Variants in MED12L observed in about 807,000 individuals in gnomAD.
MED12L encodes the protein mediator complex subunit 12L.
Under a neutral mutation model 281.3 loss-of-function variants are expected in MED12L, and 60 were observed. That is an observed-to-expected ratio of 0.21 (90% CI 0.17 to 0.26). The LOEUF (loss-of-function observed/expected upper bound fraction) is 0.26. Ranked by LOEUF, MED12L falls within the 10% of genes least tolerant of loss-of-function variation. The probability of loss-of-function intolerance (pLI) is 1.00; values close to 1 mark genes in which losing one functional copy is unlikely to be tolerated. For missense variants in MED12L, 2,146 were observed against 2,680.9 expected, an observed-to-expected ratio of 0.80 and a Z score of 4.41; for synonymous variants, 974 against 987.2, an observed-to-expected ratio of 0.99 and a Z score of 0.25.
chr3:151,333,609 T>C (rs1268228527), intron 16 of MED12L, among the ~76,000 whole-genome samples: 1 of 152,250 alleles, frequency 6.6e-6, no homozygotes, highest in African/African-American at 2.4e-5. Flanking sequence ...AACAATGCTA[T>C]AGAGCATGTA....
Position 151,407,685 on chromosome 3 carries a change from T to A in MED12L, c.5821-1558T>A, listed in dbSNP as rs536661603. Among the ~76,000 whole-genome samples, 7 of 152,322 alleles carry A rather than the reference T, an allele frequency of 4.6e-5. No homozygotes were observed. The South Asian group carries it at 1.4e-3, about 32-fold the overall frequency. ...CTAACCCAAGCAAATGGAGATACAA[T>A]TGTTTTTTTAACAGATTAATGAGTT... On this transcript the variant is annotated intron_variant, in intron 39 of 44. Coordinates refer to ENST00000687756, the MANE Select transcript of MED12L (RefSeq NM_001393769.1).
intron 16 of MED12L, chr3:151,337,803 C>T (rs1553784443): frequency 9.3e-6 from 15 of 1,611,834 alleles, no homozygotes; most frequent in Non-Finnish European, 5.9e-6. Flanking sequence ...GAAATATTTC[C>T]TTAGTTAATT....
intron 16 of MED12L, among the ~76,000 whole-genome samples, chr3:151,241,055 G>A (rs979546401): frequency 4.6e-5 from 7 of 152,170 alleles, no homozygotes; most frequent in African/African-American, 1.2e-4. Context: ...CTTTAAAAAC[G>A]GGGGACTATA....
At chr3:151,357,595 C>T (rs926503375) in intron 20 of MED12L, among the ~76,000 whole-genome samples, 1 of 152,118 alleles carries the variant, frequency 6.6e-6, no homozygotes, top group Non-Finnish European at 1.5e-5. Flanking sequence ...TTCCTCCTTG[C>T]CTTTCTTCCC....
rs752017968 is a variant in MED12L, at chr3:151,260,348, TTTG to T, written c.2250+66691_2250+66693del. Among the ~76,000 whole-genome samples the T allele has an allele frequency of 1.8e-4, 27 of 152,170 alleles. No individual in the cohort carries two copies. In the East Asian group the frequency reaches 3.5e-3, roughly 20 times the overall value. ...TACTAATATCTTTTAAAAGCCAGTT[TTTG>T]TTGTTGTTTGTTTTTTGAGACAGGG... On this transcript the variant is annotated intron_variant, in intron 16 of 44. Coordinates refer to ENST00000687756, the MANE Select transcript of MED12L (RefSeq NM_001393769.1).
At chr3:151,200,652 A>G (rs1725418268) in intron 16 of MED12L, among the ~76,000 whole-genome samples, 1 of 152,122 alleles carries the variant, frequency 6.6e-6, no homozygotes, top group Non-Finnish European at 1.5e-5. Flanking sequence ...GATGTACACA[A>G]AGCTTTCTAA....
chr3:151,341,948 G>A (rs1751901008), intron 16 of MED12L, among the ~76,000 whole-genome samples: 1 of 152,068 alleles, frequency 6.6e-6, no homozygotes, highest in Admixed American at 6.6e-5. Flanking sequence ...TGGTGTATAT[G>A]TGCCACATTT....
chr3:151,096,548 G>A (rs368235482), intron 2 of MED12L, among the ~76,000 whole-genome samples: 1 of 152,100 alleles, frequency 6.6e-6, no homozygotes, highest in Non-Finnish European at 1.5e-5. Flanking sequence ...GCTGAACAGC[G>A]GCCTCCTTTA....
intron 16 of MED12L, chr3:151,241,879 C>G (rs1734176813): frequency 6.5e-6 from 1 of 153,164 alleles, no homozygotes; most frequent in Admixed American, 6.5e-5. Flanking sequence ...GTACCGGGTT[C>G]ATCTCACTAG....
chr3:151,190,146 T>C (rs1266636279), intron 13 of MED12L, among the ~76,000 whole-genome samples: 2 of 152,062 alleles, frequency 1.3e-5, no homozygotes, highest in African/African-American at 4.8e-5. Context: ...TTTACATTAG[T>C]ACTTGAATGG....
chr3:151,130,642 C>G (rs1406409168), intron 5 of MED12L, among the ~76,000 whole-genome samples: 2 of 152,196 alleles, frequency 1.3e-5, no homozygotes, highest in South Asian at 2.1e-4. Flanking sequence ...ATTCCAAACT[C>G]AGAGCTCTGC....
At chr3:151,227,940 C>A (rs1164169318) in intron 16 of MED12L, among the ~76,000 whole-genome samples, 2 of 152,316 alleles carry the variant, frequency 1.3e-5, no homozygotes, top group Admixed American at 6.5e-5. Flanking sequence ...TTTGTGCAAC[C>A]AGCCACGTCC....
chr3:151,346,370 C>G (rs369894782), intron 16 of MED12L, among the ~76,000 whole-genome samples: 20 of 152,210 alleles, frequency 1.3e-4, no homozygotes, highest in African/African-American at 4.8e-4. Context: ...TCATAACGCT[C>G]TTTCCTCTCA....
chr3:151,204,472 A>C (rs920101823), intron 16 of MED12L, among the ~76,000 whole-genome samples: 3 of 152,170 alleles, frequency 2.0e-5, no homozygotes, highest in Non-Finnish European at 4.4e-5. Context: ...GAAGACCATA[A>C]ATTATAAACT....
At chr3:151,153,284 G>T (rs936367315) in intron 5 of MED12L, among the ~76,000 whole-genome samples, 1 of 152,038 alleles carries the variant, frequency 6.6e-6, no homozygotes, top group Non-Finnish European at 1.5e-5. Flanking sequence ...GGTAGAGTAT[G>T]GTCCAAAAAA....
At chr3:151,273,402 A>ATT (rs531443713) in intron 16 of MED12L, among the ~76,000 whole-genome samples, 20,412 of 113,510 alleles carry the variant, frequency 0.18, 3,167 homozygotes, top group African/African-American at 0.4. Flanking sequence ...TAATTTTTGT[A>ATT]TTTTTTTTTT....
chr3:151,237,366 T>TTTTG (rs1559917884), intron 16 of MED12L, among the ~76,000 whole-genome samples: 1 of 137,520 alleles, frequency 7.3e-6, no homozygotes, highest in Non-Finnish European at 1.5e-5. Context: ...TTTTTTTTTT[T>TTTTG]GAGACAGAGT....
At chr3:151,154,845 A>G (rs894498305) in intron 5 of MED12L, among the ~76,000 whole-genome samples, 3 of 152,230 alleles carry the variant, frequency 2.0e-5, no homozygotes. Context: ...ATGCCAATGG[A>G]CTAACTTTAA....
intron 8 of MED12L, among the ~76,000 whole-genome samples, chr3:151,160,535 C>T (rs553900642): frequency 6.6e-6 from 1 of 152,270 alleles, no homozygotes; most frequent in Non-Finnish European, 1.5e-5. Context: ...TTGTGTAGTC[C>T]TTGAACATCC....
Sources: allele counts gnomAD v4.1 joint callset (sites outside exome capture counted in the v4.1 genomes callset), GRCh38; gene constraint gnomAD v4.1.1; transcripts MANE v1.5; gene names NCBI Gene and HGNC (gene_info 2026-07-23, HGNC 2026-07-21).